Variants in CCDC7 observed in about 807,000 individuals in gnomAD.
CCDC7 encodes the protein coiled-coil domain containing 7, also known as coiled-coil domain-containing protein 7.
A neutral mutation model predicts 196.9 loss-of-function variants in CCDC7; 183 were observed. The observed-to-expected ratio is 0.93, with a 90% confidence interval of 0.82 to 1.05. CCDC7 has a LOEUF of 1.05. Ranked by LOEUF, CCDC7 falls within the 50% of genes least tolerant of loss-of-function variation. The pLI is 0.00. For synonymous variants in CCDC7, 525 were observed against 484.6 expected (o/e 1.08, Z -1.10); for missense variants, 1,540 against 1,482.2 (o/e 1.04, Z -0.64).
At chr10:32,636,564 T>A (rs1400110600) in intron 20 of CCDC7, among the ~76,000 whole-genome samples, 1 of 152,214 alleles carries the variant, frequency 6.6e-6, no homozygotes, top group Non-Finnish European at 1.5e-5. Flanking sequence ...GAACTCATCC[T>A]TTTTTATGGC....
At chr10:32,833,029 C>T (rs1318650077) in intron 32 of CCDC7, among the ~76,000 whole-genome samples, 1 of 151,978 alleles carries the variant, frequency 6.6e-6, no homozygotes, top group Non-Finnish European at 1.5e-5. Context: ...AAACTATAAA[C>T]AAGAATGTTC....
intron 18 of CCDC7, among the ~76,000 whole-genome samples, chr10:32,584,627 A>G (rs1386208935): frequency 6.6e-6 from 1 of 151,380 alleles, no homozygotes; most frequent in East Asian, 1.9e-4. Context: ...GTGGTGGTGC[A>G]TGCTTGTAAT....
chr10:32,675,079 T>G (rs539749033), intron 21 of CCDC7, among the ~76,000 whole-genome samples: 4 of 152,158 alleles, frequency 2.6e-5, no homozygotes, highest in Admixed American at 1.3e-4. Context: ...AATGTTAACT[T>G]TAACCTATTT....
At chr10:32,581,192 T>C (rs977355846) in intron 16 of CCDC7, among the ~76,000 whole-genome samples, 1 of 152,142 alleles carries the variant, frequency 6.6e-6, no homozygotes, top group Non-Finnish European at 1.5e-5. Context: ...TGCTCATAAT[T>C]AGACTATTAT....
chr10:32,568,039 G>C lies in CCDC7; in HGVS notation c.1419+148G>C, dbSNP rs1589997726. 3.5e-5 allele frequency: 28 copies of C among 789,612 alleles called. 1 individual carries two copies. In the South Asian group the frequency reaches 6.4e-4, roughly 18 times the overall value. The allele number at this position is 789,612 out of a possible 1,614,324, so 48.9% of individuals were successfully genotyped here. A position where few individuals can be genotyped will look rare whatever the true frequency, so the allele number is the denominator to read the frequency against. ...TTTTTTTTTTTTGAGATGGAGTCTT[G>C]CTCTGTCGCCAGGCTAGAGTGCTAT... On this transcript the variant is annotated intron_variant, in intron 15 of 41. Transcript: ENST00000639629.
At chr10:32,775,310 T>A (rs12414958) in intron 28 of CCDC7, among the ~76,000 whole-genome samples, 58,392 of 152,036 alleles carry the variant, frequency 0.38, 13,856 homozygotes, top group Non-Finnish European at 0.54. Context: ...TTTCTTACTT[T>A]TTTTCTTTTG....
chr10:32,519,441 ATTC>A (rs1196721107), intron 11 of CCDC7, among the ~76,000 whole-genome samples: 1 of 152,046 alleles, frequency 6.6e-6, no homozygotes, highest in Non-Finnish European at 1.5e-5. Flanking sequence ...TTTGTCTCTA[ATTC>A]TGCTCTAGAG....
intron 32 of CCDC7, among the ~76,000 whole-genome samples, chr10:32,825,251 G>T (rs576950233): frequency 3.2e-4 from 48 of 152,340 alleles, no homozygotes; most frequent in African/African-American, 1.1e-3. Context: ...AATTTGATTG[G>T]ATTGAAGGAT....
At chr10:32,665,402 G>T (rs2072439957) in intron 21 of CCDC7, among the ~76,000 whole-genome samples, 1 of 151,884 alleles carries the variant, frequency 6.6e-6, no homozygotes, top group Admixed American at 6.6e-5. Flanking sequence ...ACATAATTGA[G>T]TGTTTCCCAT....
chr10:32,613,042 CAT>C (rs1460662002), intron 18 of CCDC7, among the ~76,000 whole-genome samples: 2 of 152,098 alleles, frequency 1.3e-5, no homozygotes, highest in East Asian at 1.9e-4. Context: ...GACTGTGAAA[CAT>C]GTGGTCCTGA....
intron 32 of CCDC7, among the ~76,000 whole-genome samples, chr10:32,828,486 GA>G (rs2091632690): frequency 2.1e-5 from 1 of 48,222 alleles, no homozygotes; most frequent in Non-Finnish European, 4.0e-5. Context: ...AGAGGAAGAG[GA>G]AGAAGAAGAA....
At chr10:32,482,044 T>C (rs957109194) in intron 8 of CCDC7, among the ~76,000 whole-genome samples, 1 of 152,100 alleles carries the variant, frequency 6.6e-6, no homozygotes, top group African/African-American at 2.4e-5. Flanking sequence ...TATCTTTCCC[T>C]ATATTTGGGA....
intron 32 of CCDC7, among the ~76,000 whole-genome samples, chr10:32,830,590 G>T (rs1299507364): frequency 6.6e-6 from 1 of 152,026 alleles, no homozygotes; most frequent in African/African-American, 2.4e-5. Flanking sequence ...TTAACAAAAA[G>T]ATTAAAAGTA....
chr10:32,710,633 G>A (rs1014944730), intron 24 of CCDC7, among the ~76,000 whole-genome samples: 2 of 152,174 alleles, frequency 1.3e-5, no homozygotes, highest in Non-Finnish European at 2.9e-5. Flanking sequence ...CCCACTGATA[G>A]GGCTGGCAGA....
intron 41 of CCDC7, among the ~76,000 whole-genome samples, chr10:32,875,742 T>C (rs536051865): frequency 6.6e-6 from 1 of 152,160 alleles, no homozygotes; most frequent in South Asian, 2.1e-4. Context: ...CCATCTTAGT[T>C]TCCATTAGCT....
intron 25 of CCDC7, among the ~76,000 whole-genome samples, chr10:32,713,800 C>T (rs559434872): frequency 1.3e-5 from 2 of 152,344 alleles, no homozygotes; most frequent in South Asian, 4.1e-4. Flanking sequence ...GCCACTCTTT[C>T]CATTGGCCAG....
At chr10:32,641,148 A>AGG (rs2066727023) in intron 20 of CCDC7, among the ~76,000 whole-genome samples, 1 of 152,026 alleles carries the variant, frequency 6.6e-6, no homozygotes, top group Non-Finnish European at 1.5e-5. Context: ...GCTGTTCTCA[A>AGG]AGCACATCTT....
intron 20 of CCDC7, among the ~76,000 whole-genome samples, chr10:32,663,314 T>G (rs1372312030): frequency 6.6e-6 from 1 of 152,186 alleles, no homozygotes; most frequent in Non-Finnish European, 1.5e-5. Context: ...AAACATGCAT[T>G]GTAGACACTC....
chr10:32,663,907 A>G (rs917249547), intron 20 of CCDC7, 147 bp from the exon 22 acceptor site: 1 of 344,788 alleles, frequency 2.9e-6, no homozygotes, highest in East Asian at 4.2e-5. Context: ...CACTATTTTC[A>G]TGTCAGATCT....
Sources: gnomAD v4.1 joint callset for allele counts (sites outside exome capture counted in the v4.1 genomes callset) on GRCh38, gnomAD v4.1.1 for gene constraint, MANE v1.5 for transcripts, NCBI Gene and HGNC (gene_info 2026-07-23, HGNC 2026-07-21) for gene names.